The following EYA4 variants were observed in gnomAD, a reference collection of about 807,000 sequenced individuals.
The protein encoded by EYA4 is protein phosphatase EYA4.
In EYA4, 31 loss-of-function variants were observed where a neutral mutation model predicts 87.9. The observed-to-expected ratio is 0.35, with a 90% CI of 0.27 to 0.48. EYA4 has a LOEUF of 0.48. EYA4 is among the 20% of genes least tolerant of loss of function. EYA4 has a pLI of 0.99. For synonymous variants in EYA4, 263 were observed against 270.6 expected, an observed-to-expected ratio of 0.97 and a Z score of 0.28; for missense variants, 678 against 761.4, an observed-to-expected ratio of 0.89 and a Z score of 1.29.
In EYA4 at chr6:133,528,890, A is replaced by C; in HGVS notation, c.*85A>C. 6.2e-7 allele frequency: 1 copy of C among 1,607,658 alleles called. No homozygotes were observed. The highest frequency in any genetic ancestry group is 1.7e-5 in the Admixed American group (1 of 59,582). On this transcript the variant is annotated 3_prime_UTR_variant, in exon 20 of 20. Coordinates refer to ENST00000355286, the MANE Select transcript of EYA4 (RefSeq NM_004100.5). ...TGATTCAATGCCTCTGGCTCTACAC[A>C]TATAAATTGTCTTAATGGATGAAAT... is the stretch of plus-strand genomic sequence containing the variant.
intron 11 of EYA4, among the ~76,000 whole-genome samples, chr6:133,474,353 G>A (rs900979903): frequency 5.7e-4 from 87 of 152,112 alleles, no homozygotes; most frequent in African/African-American, 2.0e-3. Context: ...AGAATAATCA[G>A]TATTGAAAAT....
intron 2 of EYA4, among the ~76,000 whole-genome samples, chr6:133,366,994 A>G (rs2128457394): frequency 1.3e-5 from 2 of 152,302 alleles, no homozygotes; most frequent in East Asian, 1.9e-4. Context: ...GGAATCATTC[A>G]GGAAGTTCTT....
intron 1 of EYA4, among the ~76,000 whole-genome samples, chr6:133,268,476 A>G (rs560256021): frequency 6.6e-6 from 1 of 152,282 alleles, no homozygotes; most frequent in South Asian, 2.1e-4. Context: ...ATTTGTTATC[A>G]AGGTAATGAG....
intron 3 of EYA4, among the ~76,000 whole-genome samples, chr6:133,397,664 T>G (rs973266647): frequency 6.6e-6 from 1 of 152,144 alleles, no homozygotes; most frequent in African/African-American, 2.4e-5. Context: ...TGTGTATTAG[T>G]TTTCACACTG....
intron 3 of EYA4, among the ~76,000 whole-genome samples, chr6:133,416,662 C>A (rs138547164): frequency 6.6e-6 from 1 of 152,316 alleles, no homozygotes; most frequent in East Asian, 1.9e-4. Context: ...CAAAACTGCA[C>A]ATGCATAAGA....
intron 1 of EYA4, among the ~76,000 whole-genome samples, chr6:133,261,358 C>T (rs1775784444): frequency 6.6e-6 from 1 of 152,178 alleles, no homozygotes; most frequent in African/African-American, 2.4e-5. Flanking sequence ...TACTTATTCT[C>T]CTGCTTTTGC....
At chr6:133,398,025 A>G (rs893371580) in intron 3 of EYA4, among the ~76,000 whole-genome samples, 5 of 152,202 alleles carry the variant, frequency 3.3e-5, no homozygotes, top group Admixed American at 6.5e-5. Context: ...CTTTTCCCCT[A>G]TGGCCATACA....
intron 1 of EYA4, among the ~76,000 whole-genome samples, chr6:133,271,716 G>T (rs1479223899): frequency 6.6e-6 from 1 of 152,130 alleles, no homozygotes; most frequent in Non-Finnish European, 1.5e-5. Context: ...ATGTTGCTGA[G>T]CCCATGTGTA....
At chr6:133,257,605 C>T (rs954199020) in intron 1 of EYA4, among the ~76,000 whole-genome samples, 4 of 152,120 alleles carry the variant, frequency 2.6e-5, no homozygotes, top group African/African-American at 7.2e-5. Context: ...GTTTTATAAA[C>T]GTTGAATCAA....
In EYA4 at chr6:133,512,611, T is replaced by C. The variant is rs1182568254; in HGVS notation, c.1282-110T>C. 4.7e-6 allele frequency: 4 copies of C among 852,264 alleles called. No individual in the cohort carries two copies. In the East Asian group the frequency reaches 9.7e-5, roughly 21 times the overall value. 52.8% of individuals were successfully genotyped at this position (852,264 alleles called of 1,614,324 possible). On this transcript the variant is annotated intron_variant, in intron 14 of 19. Coordinates refer to ENST00000355286, the MANE Select transcript of EYA4 (RefSeq NM_004100.5). ...TGAGGCAATGAGATGGACGGGCACATGCTGCCATCTTCTGGTGGTAGTCTG... is the reference window on the plus strand; with the variant it reads ...TGAGGCAATGAGATGGACGGGCACACGCTGCCATCTTCTGGTGGTAGTCTG...
At chr6:133,383,505 G>A (rs159409) in intron 3 of EYA4, among the ~76,000 whole-genome samples, 56,312 of 110,156 alleles carry the variant, frequency 0.51, 14,705 homozygotes, top group Middle Eastern at 0.71. Context: ...GCGACAGAGC[G>A]AGACTCCATC....
intron 13 of EYA4, among the ~76,000 whole-genome samples, chr6:133,499,296 GGTGT>G (rs1425281203): frequency 6.6e-6 from 1 of 152,118 alleles, no homozygotes; most frequent in Non-Finnish European, 1.5e-5. Context: ...AGCCTCGTGA[GGTGT>G]GTGTATTTGC....
At chr6:133,456,112 CTATACTTTTA>C (rs1341284349) in intron 5 of EYA4, among the ~76,000 whole-genome samples, 2 of 151,996 alleles carry the variant, frequency 1.3e-5, no homozygotes, top group Non-Finnish European at 2.9e-5. Context: ...CCCATGGTTT[CTATACTTTTA>C]TATGTCTCCA....
intron 3 of EYA4, among the ~76,000 whole-genome samples, chr6:133,407,255 T>TG (rs1407478902): frequency 1.4e-5 from 2 of 147,344 alleles, no homozygotes; most frequent in African/African-American, 2.5e-5. Flanking sequence ...TCTAGGGTTT[T>TG]TTTTTTTTTT....
intron 3 of EYA4, among the ~76,000 whole-genome samples, chr6:133,404,271 A>T (rs1317515591): frequency 6.6e-6 from 1 of 152,188 alleles, no homozygotes; most frequent in Non-Finnish European, 1.5e-5. Context: ...TCTAATGTGG[A>T]TGTTACTCAG....
intron 1 of EYA4, among the ~76,000 whole-genome samples, chr6:133,242,707 G>T (rs1285327225): frequency 6.6e-6 from 1 of 152,204 alleles, no homozygotes; most frequent in African/African-American, 2.4e-5. Flanking sequence ...GAACAGCTCG[G>T]AGCGATTAGG....
intron 2 of EYA4, among the ~76,000 whole-genome samples, chr6:133,325,947 G>A (rs141471036): frequency 1.6e-4 from 25 of 152,312 alleles, no homozygotes; most frequent in Middle Eastern, 6.8e-3. Context: ...CTTGGGGTTC[G>A]TTCTGCTGTA....
At chr6:133,409,801 T>C (rs1419424629) in intron 3 of EYA4, among the ~76,000 whole-genome samples, 1 of 152,174 alleles carries the variant, frequency 6.6e-6, no homozygotes, top group Non-Finnish European at 1.5e-5. Flanking sequence ...TACTGTAATG[T>C]ATACCAGAAA....
rs563259361 is a variant in EYA4, at chr6:133,290,012, C to T, written c.33+15199C>T. Among the ~76,000 whole-genome samples the T allele has an allele frequency of 8.5e-5, 13 of 152,284 alleles. No homozygotes were observed. In the South Asian group the frequency reaches 1.2e-3, roughly 15 times the overall value. ...TGCCTAAACTGTTGTGGTTGACACA[C>T]GTGGACAGTAGATTATAACTAGATT... On this transcript the variant is annotated intron_variant, in intron 2 of 19. Coordinates refer to ENST00000355286, the MANE Select transcript of EYA4 (RefSeq NM_004100.5).
Sources: gnomAD v4.1 joint callset for allele counts (sites outside exome capture counted in the v4.1 genomes callset) on GRCh38, gnomAD v4.1.1 for gene constraint, MANE v1.5 for transcripts, NCBI Gene and HGNC (gene_info 2026-07-23, HGNC 2026-07-21) for gene names.